The following CADPS2 variants were observed in gnomAD, a reference collection of about 807,000 sequenced individuals.
CADPS2 encodes calcium dependent secretion activator 2, also known as calcium-dependent secretion activator 2.
CADPS2 carries 93 observed loss-of-function variants against 172.5 expected under a neutral mutation model. That is an observed-to-expected ratio of 0.54 (90% CI 0.46 to 0.64). The LOEUF (loss-of-function observed/expected upper bound fraction) is 0.64, where lower values mean the gene tolerates loss of function less well. CADPS2 is among the 30% of genes least tolerant of loss of function. The pLI is 0.00. For missense variants in CADPS2, 1,420 were observed against 1,565.9 expected (o/e 0.91, Z 1.57); for synonymous variants, 546 against 555.2 (o/e 0.98, Z 0.23).
At chr7:122,864,219 A>G (rs1042831238) in intron 1 of CADPS2, among the ~76,000 whole-genome samples, 2 of 152,206 alleles carry the variant, frequency 1.3e-5, no homozygotes, top group Admixed American at 1.3e-4. Context: ...AAATTCCCTT[A>G]GTATTTTCCC....
intron 1 of CADPS2, among the ~76,000 whole-genome samples, chr7:122,834,951 CAG>C (rs964436416): frequency 5.3e-5 from 8 of 152,182 alleles, no homozygotes; most frequent in African/African-American, 1.7e-4. Flanking sequence ...TCTCCCAGCA[CAG>C]AGTTTGAGAA....
At chr7:122,625,796 C>T (rs1554672815) in intron 4 of CADPS2, among the ~76,000 whole-genome samples, 3 of 152,012 alleles carry the variant, frequency 2.0e-5, no homozygotes, top group Non-Finnish European at 4.4e-5. Flanking sequence ...CACACACACA[C>T]ATATATATAC....
intron 2 of CADPS2, among the ~76,000 whole-genome samples, chr7:122,688,172 T>C (rs1176344847): frequency 6.6e-6 from 1 of 152,216 alleles, no homozygotes; most frequent in Non-Finnish European, 1.5e-5. Flanking sequence ...TCTGTATCCA[T>C]GGTGTGTTGG....
chr7:122,468,296 T>C (rs988263857), intron 14 of CADPS2, among the ~76,000 whole-genome samples: 1 of 152,142 alleles, frequency 6.6e-6, no homozygotes, highest in Non-Finnish European at 1.5e-5. Flanking sequence ...GCAAACAATG[T>C]AGAAAAACCA....
chr7:122,418,237 C>G (rs1445465048), intron 17 of CADPS2, among the ~76,000 whole-genome samples: 1 of 151,940 alleles, frequency 6.6e-6, no homozygotes, highest in Non-Finnish European at 1.5e-5. Context: ...CAGGGCGCTT[C>G]CCACGTGTTA....
chr7:122,513,187 C>A, intron 9 of CADPS2, 62 bp downstream of exon 9: 1 of 1,154,260 alleles, frequency 8.7e-7, no homozygotes, highest in South Asian at 1.4e-5. Context: ...ATATAACCCA[C>A]ATAAACAAAT....
At chr7:122,325,339 G>T (rs1326942607) in intron 29 of CADPS2, 138 bp downstream of exon 29, 12 of 544,178 alleles carry the variant, frequency 2.2e-5, no homozygotes, top group Non-Finnish European at 3.6e-5. Flanking sequence ...AACTAAACGT[G>T]GAAGTAAACA....
intron 3 of CADPS2, among the ~76,000 whole-genome samples, chr7:122,658,628 C>T (rs1468328049): frequency 3.3e-5 from 5 of 152,116 alleles, no homozygotes; most frequent in African/African-American, 1.2e-4. Context: ...AGCAAACTAT[C>T]GCAAGGACAG....
At chr7:122,568,489 T>C (rs188272271) in intron 7 of CADPS2, among the ~76,000 whole-genome samples, 142 of 152,188 alleles carry the variant, frequency 9.3e-4, no homozygotes, top group African/African-American at 3.2e-3. Context: ...CTAATAGCTA[T>C]ATAATATAAT....
chr7:122,556,658 T>C (rs2065066196), intron 7 of CADPS2, among the ~76,000 whole-genome samples: 1 of 152,154 alleles, frequency 6.6e-6, no homozygotes, highest in Non-Finnish European at 1.5e-5. Context: ...ATACCATTTT[T>C]TCTGCCACAT....
chr7:122,871,986 T>C (rs965151367), intron 1 of CADPS2, among the ~76,000 whole-genome samples: 2 of 152,086 alleles, frequency 1.3e-5, no homozygotes, highest in Non-Finnish European at 1.5e-5. Flanking sequence ...CCAATCACCA[T>C]ACATATGACA....
intron 2 of CADPS2, chr7:122,698,593 C>A: frequency 6.2e-7 from 1 of 1,614,016 alleles, no homozygotes; most frequent in Non-Finnish European, 8.5e-7. Context: ...GAAGGTACAA[C>A]CTCCCCGTTC....
At position 122,319,303 on chromosome 7, in the gene CADPS2, C is replaced by T. The variant is rs2031888781; in HGVS notation, c.*862G>A. 1 of 152,080 alleles carries T rather than the reference C, an allele frequency of 6.6e-6. No individual in the cohort carries two copies. The highest frequency in any genetic ancestry group is 2.4e-5 in the African/African-American group (1 of 41,410). 9.4% of individuals were successfully genotyped at this position (152,080 alleles called of 1,614,324 possible). ...CAAAACAAACAAAAAACTCAAGAAA[C>T]AAAAACACAGAGTCAGATAGTTGGG... On this transcript the variant is annotated 3_prime_UTR_variant, in exon 30 of 30. Coordinates refer to ENST00000449022, the MANE Select transcript of CADPS2 (RefSeq NM_017954.11).
chr7:122,845,691 A>C (rs547479555), intron 1 of CADPS2, among the ~76,000 whole-genome samples: 4 of 152,284 alleles, frequency 2.6e-5, no homozygotes, highest in African/African-American at 9.6e-5. Flanking sequence ...TCACATGCAC[A>C]GGGGAGAGTC....
intron 1 of CADPS2, among the ~76,000 whole-genome samples, chr7:122,753,352 A>G (rs1482116088): frequency 6.6e-6 from 1 of 152,202 alleles, no homozygotes; most frequent in Non-Finnish European, 1.5e-5. Flanking sequence ...ATACATGCAA[A>G]GAGGAAACTT....
intron 19 of CADPS2, among the ~76,000 whole-genome samples, chr7:122,409,219 G>A (rs1326348179): frequency 6.6e-6 from 1 of 152,206 alleles, no homozygotes; most frequent in African/African-American, 2.4e-5. Flanking sequence ...CTATAGTGGT[G>A]ACAAAAGAAG....
rs763564857 is a variant in CADPS2, at chr7:122,360,779, A to C, written c.3504+9T>G. The C allele has an allele frequency of 6.5e-7, 1 of 1,549,322 alleles. No homozygotes were observed. The highest frequency in any genetic ancestry group is 8.7e-7 in the Non-Finnish European group (1 of 1,147,922). On this transcript the variant is annotated intron_variant, in intron 27 of 29. Transcript: ENST00000449022. ...ATACAGTTTTAAAAAGCAGATAAAA[A>C]ATACTTACTGGAACATCAACATATT...
intron 1 of CADPS2, among the ~76,000 whole-genome samples, chr7:122,840,581 A>T (rs905775456): frequency 7.9e-5 from 12 of 151,856 alleles, no homozygotes; most frequent in South Asian, 2.1e-4. Flanking sequence ...AAAGCCATCA[A>T]ATCAGCAAGA....
chr7:122,772,420 A>T (rs2139114770), intron 1 of CADPS2, among the ~76,000 whole-genome samples: 1 of 152,324 alleles, frequency 6.6e-6, no homozygotes, highest in African/African-American at 2.4e-5. Flanking sequence ...TCCCACTGAA[A>T]GCTAGACCAA....
Sources: allele counts gnomAD v4.1 joint callset (sites outside exome capture counted in the v4.1 genomes callset), GRCh38; gene constraint gnomAD v4.1.1; transcripts MANE v1.5; gene names NCBI Gene and HGNC (gene_info 2026-07-23, HGNC 2026-07-21).